The following NRSN1 variants were observed in gnomAD, a reference collection of about 807,000 sequenced individuals.
NRSN1 encodes neurensin-1.
In NRSN1, 14 loss-of-function variants were observed where a neutral mutation model predicts 17.3. The observed-to-expected ratio is 0.81, with a 90% CI of 0.54 to 1.27. NRSN1 has a LOEUF of 1.27. Among genes scored for constraint, NRSN1 ranks in the 50% most tolerant of loss-of-function variants. The pLI is 0.00. For missense variants in NRSN1, 209 were observed against 235.9 expected, an observed-to-expected ratio of 0.89 and a Z score of 0.75; for synonymous variants, 79 against 94.2, an observed-to-expected ratio of 0.84 and a Z score of 0.93.
intron 3 of NRSN1, among the ~76,000 whole-genome samples, chr6:24,142,283 T>C (rs546017368): frequency 6.7e-6 from 1 of 150,050 alleles, no homozygotes; most frequent in East Asian, 2.0e-4. Context: ...TGTTCACATA[T>C]GGTGGCTAAA....
intron 3 of NRSN1, 63 bp downstream of exon 3, chr6:24,134,579 C>G: frequency 1.5e-6 from 2 of 1,353,280 alleles, no homozygotes; most frequent in East Asian, 4.6e-5. Context: ...GTTAATACTG[C>G]AGCTGTGGAG....
intron 3 of NRSN1, chr6:24,141,383 T>A: frequency 2.0e-6 from 1 of 508,552 alleles, no homozygotes; most frequent in Non-Finnish European, 2.9e-6. Context: ...ACCTCCCATA[T>A]GCTACTCATG....
intron 3 of NRSN1, among the ~76,000 whole-genome samples, chr6:24,135,421 G>T (rs896349111): frequency 6.6e-6 from 1 of 152,138 alleles, no homozygotes; most frequent in African/African-American, 2.4e-5. Context: ...TGATCCAGAG[G>T]TCTCCAATCT....
intron 3 of NRSN1, among the ~76,000 whole-genome samples, chr6:24,135,361 T>G (rs1256135664): frequency 6.6e-6 from 1 of 151,968 alleles, no homozygotes; most frequent in Non-Finnish European, 1.5e-5. Context: ...ACTGGGAAAA[T>G]AGTAAGTCCA....
chr6:24,126,632 C>T (rs1048408065), intron 1 of NRSN1, among the ~76,000 whole-genome samples: 12 of 152,040 alleles, frequency 7.9e-5, no homozygotes, highest in African/African-American at 2.7e-4. Flanking sequence ...GCACGAGGGG[C>T]GTACAGCTAA....
chr6:24,130,556 T>C (rs903107295), intron 2 of NRSN1, among the ~76,000 whole-genome samples: 4 of 152,198 alleles, frequency 2.6e-5, no homozygotes, highest in African/African-American at 4.8e-5. Flanking sequence ...CAGGTAGTTA[T>C]ATGTTTGGGA....
chr6:24,137,018 C>T (rs1760127377), intron 3 of NRSN1, among the ~76,000 whole-genome samples: 1 of 152,174 alleles, frequency 6.6e-6, no homozygotes, highest in African/African-American at 2.4e-5. Context: ...ACTAGCTATG[C>T]TCATGTTTCT....
intron 1 of NRSN1, among the ~76,000 whole-genome samples, chr6:24,126,945 A>G (rs542987028): frequency 6.6e-6 from 1 of 152,350 alleles, no homozygotes; most frequent in Admixed American, 6.5e-5. Context: ...CTGGCACTGT[A>G]ACAGAAATGT....
At chr6:24,140,244 G>A (rs1760181844) in intron 3 of NRSN1, among the ~76,000 whole-genome samples, 1 of 152,188 alleles carries the variant, frequency 6.6e-6, no homozygotes, top group African/African-American at 2.4e-5. Flanking sequence ...ACATTGAGGA[G>A]TAGGAAGAAA....
In NRSN1 at chr6:24,134,513, G is replaced by C; in HGVS notation, c.186G>C (p.Trp62Cys). 6.2e-7 allele frequency: 1 copy of C among 1,613,342 alleles called. No individual in the cohort carries two copies. The highest frequency in any genetic ancestry group is 8.5e-7 in the Non-Finnish European group (1 of 1,179,426). ...CTAACAGGTGGAGCTCAGTATTCTG[G>C]AAGGTAAGGAAGGAGCATGTGTTTA... Reference protein sequence around the residue: ...RSPNRWSSVFWKVGLISGTVF... With the variant: ...RSPNRWSSVFCKVGLISGTVF... Residue 62 changes from tryptophan to cysteine, a missense_variant, in exon 3 of 4, where the codon TGG becomes TGC. Physicochemically the swap from Trp to Cys is radical, Grantham distance 215. Coordinates refer to ENST00000378491, the MANE Select transcript of NRSN1 (RefSeq NM_080723.5).
intron 3 of NRSN1, among the ~76,000 whole-genome samples, chr6:24,138,183 CACAA>C (rs1484358989): frequency 6.6e-6 from 1 of 152,142 alleles, no homozygotes; most frequent in East Asian, 1.9e-4. Flanking sequence ...CACACACACG[CACAA>C]ACACACACAT....
At chr6:24,143,857 C>T (rs918919062) in intron 3 of NRSN1, among the ~76,000 whole-genome samples, 1 of 152,160 alleles carries the variant, frequency 6.6e-6, no homozygotes, top group African/African-American at 2.4e-5. Context: ...CTCACAAGTC[C>T]TCTATGAGGT....
intron 3 of NRSN1, chr6:24,141,365 C>A: frequency 1.6e-6 from 1 of 631,962 alleles, no homozygotes; most frequent in Non-Finnish European, 2.2e-6. Context: ...GTCCCAACTG[C>A]TCTCCTCACC....
intron 3 of NRSN1, among the ~76,000 whole-genome samples, chr6:24,136,962 A>T (rs1485379880): frequency 6.6e-6 from 1 of 152,226 alleles, no homozygotes; most frequent in Non-Finnish European, 1.5e-5. Flanking sequence ...GAGTGAATTC[A>T]TGCCAGTGGA....
At chr6:24,132,437 A>G (rs540639205) in intron 2 of NRSN1, among the ~76,000 whole-genome samples, 8 of 152,366 alleles carry the variant, frequency 5.3e-5, no homozygotes, top group East Asian at 1.9e-4. Context: ...GGCCTGGATT[A>G]CAGCACAAGC....
chr6:24,128,030 G>A (rs1759976115), intron 1 of NRSN1, 98 bp from the exon 2 acceptor site: 1 of 152,134 alleles, frequency 6.6e-6, no homozygotes, highest in African/African-American at 2.4e-5. Flanking sequence ...CAATGCTTTT[G>A]TGAACATTAA....
rs995252795 is a variant in NRSN1, at chr6:24,146,500, T to A, written c.*554T>A. On this transcript the variant is annotated 3_prime_UTR_variant, in exon 4 of 4. Transcript: ENST00000378491. The stretch of plus-strand genomic sequence containing the variant: ...ACAAAGTTATCAGCATTCACAAATC[T>A]TTTTGTTTTCTCCATTTTTTTTCCC... 5.9e-6 allele frequency: 2 copies of A among 341,620 alleles called. No individual in the cohort carries two copies. Among genetic ancestry groups the A allele is most frequent in the Admixed American group, 4.2e-5 (1 of 24,052 alleles). The allele number at this position is 341,620 out of a possible 1,614,324, so 21.2% of individuals were successfully genotyped here.
At chr6:24,134,124 A>G (rs1469128834) in intron 2 of NRSN1, among the ~76,000 whole-genome samples, 195 bp from the exon 3 acceptor site, 2 of 152,040 alleles carry the variant, frequency 1.3e-5, no homozygotes, top group Admixed American at 1.3e-4. Context: ...TCAGCCTCCC[A>G]AAGTGCTGGG....
In NRSN1 at chr6:24,146,068, A is replaced by G. The variant is rs1291866847; in HGVS notation, c.*122A>G. On this transcript the variant is annotated 3_prime_UTR_variant, in exon 4 of 4. Coordinates refer to ENST00000378491, the MANE Select transcript of NRSN1 (RefSeq NM_080723.5). ...CTAGGGCTGTGTTCAGCTGTGGGCA[A>G]TATAATGGGTGGACTCACACTTGCT... The G allele has an allele frequency of 1.2e-5, 12 of 1,023,846 alleles. No homozygotes were observed. Among genetic ancestry groups the G allele is most frequent in the Admixed American group, 8.9e-5 (5 of 56,322 alleles). The allele number at this position is 1,023,846 out of a possible 1,614,324, so 63.4% of individuals were successfully genotyped here.
Sources: allele counts gnomAD v4.1 joint callset (sites outside exome capture counted in the v4.1 genomes callset), GRCh38; gene constraint gnomAD v4.1.1; transcripts MANE v1.5; gene names NCBI Gene and HGNC (gene_info 2026-07-23, HGNC 2026-07-21).